Variants in AGAP1 observed in about 807,000 individuals in gnomAD.
The protein encoded by AGAP1 is ArfGAP with GTPase domain, ankyrin repeat and PH domain 1.
In AGAP1, 29 loss-of-function variants were observed where a neutral mutation model predicts 105.3. That is an observed-to-expected ratio of 0.28 (90% CI 0.21 to 0.38). The LOEUF is 0.38. Ranked by LOEUF, AGAP1 falls within the 10% of genes least tolerant of loss-of-function variation. The probability of loss-of-function intolerance (pLI) is 1.00; values close to 1 mark genes in which losing one functional copy is unlikely to be tolerated. For synonymous variants in AGAP1, 509 were observed against 485.9 expected (o/e 1.05, Z -0.63); for missense variants, 998 against 1,165.1 (o/e 0.86, Z 2.09).
At chr2:235,884,068 T>A (rs1261658378) in intron 10 of AGAP1, among the ~76,000 whole-genome samples, 2 of 152,206 alleles carry the variant, frequency 1.3e-5, no homozygotes, top group Non-Finnish European at 2.9e-5. Context: ...TATAAAAAAA[T>A]GCAGACATTC....
At position 235,665,778 on chromosome 2, in the gene AGAP1, C is replaced by T. The variant is rs1948107144; in HGVS notation, c.164-43401C>T. Among the ~76,000 whole-genome samples the T allele has an allele frequency of 1.3e-5, 2 of 152,084 alleles. No homozygotes were observed. Among genetic ancestry groups the T allele is most frequent in the Admixed American group, 1.3e-4 (2 of 15,256 alleles). ...AGTACCAGTGGTTGGCCAGTTTCTA[C>T]CATCAGCAGACGCGGTTCTGCTAAG... On this transcript the variant is annotated intron_variant, in intron 1 of 17. Coordinates refer to ENST00000304032, the MANE Select transcript of AGAP1 (RefSeq NM_001037131.3). This position sits in a 1 kb window ranked among gnomAD's most constrained non-coding sequence, Gnocchi z 5.3.
In AGAP1 at chr2:236,120,538, C is replaced by T; in HGVS notation, c.2370+91C>T. 1.3e-6 allele frequency: 2 copies of T among 1,564,492 alleles called. No homozygotes were observed. The highest frequency in any genetic ancestry group is 1.7e-6 in the Non-Finnish European group (2 of 1,158,214). On this transcript the variant is annotated intron_variant, in intron 17 of 17. Transcript: ENST00000304032. The surrounding 1 kb of genome is among the most constrained non-coding windows in gnomAD (Gnocchi z 6.0). ...CCGTGGGCATCTTTCTGGCAGAAGG[C>T]TGTTGTTCTCGATCTGCAAGTGGAA...
At chr2:236,022,423 A>AT (rs1489789661) in intron 13 of AGAP1, among the ~76,000 whole-genome samples, 1 of 152,208 alleles carries the variant, frequency 6.6e-6, no homozygotes, top group Non-Finnish European at 1.5e-5. Context: ...TGTGTTTATA[A>AT]TGATCTTTTG....
intron 1 of AGAP1, among the ~76,000 whole-genome samples, chr2:235,572,985 CT>C (rs1944584414): frequency 7.8e-5 from 2 of 25,620 alleles, no homozygotes; most frequent in South Asian, 3.5e-3. Context: ...TTTTCTTCTT[CT>C]TCTTCTTCTT....
rs1349979586 is a variant in AGAP1 at position 236,040,209 on chromosome 2, C to A, written c.1801-542C>A. ...CCAGCTATACTCGTGTTTCTCCCTG[C>A]CCCCACCCTGGCGAGTGGCTTTGTC... is the stretch of plus-strand genomic sequence containing the variant. On this transcript the variant is annotated intron_variant, in intron 14 of 17. Coordinates refer to ENST00000304032, the MANE Select transcript of AGAP1 (RefSeq NM_001037131.3). This position sits in a 1 kb window ranked among gnomAD's most constrained non-coding sequence, Gnocchi z 5.6. Among the ~76,000 whole-genome samples, 1 of 152,114 alleles carries A rather than the reference C, an allele frequency of 6.6e-6. No homozygotes were observed. The highest frequency in any genetic ancestry group is 1.5e-5 in the Non-Finnish European group (1 of 68,012).
In AGAP1 at chr2:236,128,442, C is replaced by CCCT. The variant is rs1256726483; in HGVS notation, c.*4330_*4332dup. On this transcript the variant is annotated 3_prime_UTR_variant, in exon 18 of 18. Transcript: ENST00000304032. The surrounding 1 kb of genome is among the most constrained non-coding windows in gnomAD (Gnocchi z 5.9). ...GTGCACTGGGCCTTGCTTGGTGCTC[C>CCCT]CCTCCTCCTCCTGTCTGAGATCGGA... is the stretch of plus-strand genomic sequence containing the variant. 1.3e-5 allele frequency: 2 copies of CCCT among 152,316 alleles called. No homozygotes were observed. Among genetic ancestry groups the CCCT allele is most frequent in the African/African-American group, 4.8e-5 (2 of 41,440 alleles). The allele number at this position is 152,316 out of a possible 1,614,324, so 9.4% of individuals were successfully genotyped here.
At chr2:235,948,631 T>C (rs999761507) in intron 12 of AGAP1, among the ~76,000 whole-genome samples, 7 of 152,150 alleles carry the variant, frequency 4.6e-5, no homozygotes, top group Non-Finnish European at 8.8e-5. Flanking sequence ...GTGAGTGCAG[T>C]GAGTCTGTCT....
intron 6 of AGAP1, 120 bp from the exon 7 acceptor site, chr2:235,797,639 A>T: frequency 7.7e-7 from 1 of 1,301,936 alleles, no homozygotes; most frequent in Non-Finnish European, 1.1e-6. Flanking sequence ...AAGAACCAGG[A>T]ATGCTATTAC....
chr2:235,743,884 GTC>G (rs1344535828), intron 4 of AGAP1, among the ~76,000 whole-genome samples: 2 of 152,238 alleles, frequency 1.3e-5, no homozygotes, highest in Non-Finnish European at 2.9e-5. Context: ...AGTGTGGGAA[GTC>G]TCTGCCCTGC....
chr2:235,629,623 C>A (rs1049716637), intron 1 of AGAP1, among the ~76,000 whole-genome samples: 5 of 151,770 alleles, frequency 3.3e-5, no homozygotes, highest in Non-Finnish European at 7.4e-5. Flanking sequence ...AATCCCAGCA[C>A]TTTGGAAGGC....
chr2:236,073,064 C>T lies in AGAP1; in HGVS notation c.2114+23783C>T, dbSNP rs1244226841. Reference sequence around the variant, plus strand: ...AGGCTGGAGTGCAGTGGTGCAATCTCAGCTCACTGCAACTTCCGCCTCCCA... The same window carrying T: ...AGGCTGGAGTGCAGTGGTGCAATCTTAGCTCACTGCAACTTCCGCCTCCCA... On this transcript the variant is annotated intron_variant, in intron 16 of 17. Transcript: ENST00000304032. This position sits in a 1 kb window ranked among gnomAD's most constrained non-coding sequence, Gnocchi z 5.4. Among the ~76,000 whole-genome samples, 1 of 151,824 alleles carries T rather than the reference C, an allele frequency of 6.6e-6. No individual in the cohort carries two copies. Among genetic ancestry groups the T allele is most frequent in the African/African-American group, 2.4e-5 (1 of 41,332 alleles).
intron 9 of AGAP1, among the ~76,000 whole-genome samples, chr2:235,868,656 C>T (rs965050400): frequency 7.2e-5 from 11 of 152,160 alleles, no homozygotes; most frequent in Non-Finnish European, 1.3e-4. Context: ...GTCAATAAAT[C>T]TTTGTTGGTA....
At chr2:235,558,585 C>G (rs948180618) in intron 1 of AGAP1, among the ~76,000 whole-genome samples, 1 of 152,112 alleles carries the variant, frequency 6.6e-6, no homozygotes, top group Non-Finnish European at 1.5e-5. Context: ...TAAAAAGACC[C>G]CAGAGAGGCC....
At position 235,535,495 on chromosome 2, in the gene AGAP1, A is replaced by T. The variant is rs1404196473; in HGVS notation, c.163+40646A>T. Among the ~76,000 whole-genome samples the T allele has an allele frequency of 3.4e-3, 13 of 3,862 alleles. No homozygotes were observed. In the African/African-American group the frequency reaches 0.045, roughly 13 times the overall value. The allele number at this position is 3,862 out of a possible 152,430, so 2.5% of individuals were successfully genotyped here. ...ATCTTAGGGTAGTATTTTGGATTTA[A>T]AAAAAAAAAAAACATGAAATGAAAT... On this transcript the variant is annotated intron_variant, in intron 1 of 17. Coordinates refer to ENST00000304032, the MANE Select transcript of AGAP1 (RefSeq NM_001037131.3). The surrounding 1 kb of genome is among the most constrained non-coding windows in gnomAD (Gnocchi z 5.1).
intron 13 of AGAP1, among the ~76,000 whole-genome samples, chr2:235,969,810 C>T (rs999884990): frequency 6.6e-6 from 1 of 152,152 alleles, no homozygotes; most frequent in Admixed American, 6.5e-5. Context: ...CTGAGTAGCC[C>T]GCCAGCCTCC....
intron 1 of AGAP1, among the ~76,000 whole-genome samples, chr2:235,657,187 G>C (rs776206871): frequency 5.3e-5 from 8 of 152,270 alleles, no homozygotes; most frequent in Non-Finnish European, 8.8e-5. Flanking sequence ...TCTCAATCCT[G>C]AGTTAGTCTC....
Position 235,927,555 on chromosome 2 carries a change from C to A in AGAP1, c.1325-3210C>A, listed in dbSNP as rs1014057565. 2.0e-5 allele frequency among the ~76,000 whole-genome samples: 3 copies of A among 152,184 alleles called. No homozygotes were observed. Among genetic ancestry groups the A allele is most frequent in the Non-Finnish European group, 4.4e-5 (3 of 68,034 alleles). On this transcript the variant is annotated intron_variant, in intron 11 of 17. Transcript: ENST00000304032. The surrounding 1 kb of genome is among the most constrained non-coding windows in gnomAD (Gnocchi z 4.4). ...GGCCATGAGATGAAGAACTCATAAA[C>A]CTAAGATGAGTTCTTGATCAGCAAC...
intron 16 of AGAP1, among the ~76,000 whole-genome samples, chr2:236,116,797 A>C (rs977537841): frequency 1.4e-5 from 2 of 146,226 alleles, no homozygotes; most frequent in South Asian, 4.4e-4. Context: ...TCATTCTTAC[A>C]CCTTTTATGT....
intron 12 of AGAP1, among the ~76,000 whole-genome samples, chr2:235,946,963 G>A (rs1005309347): frequency 3.3e-5 from 5 of 152,032 alleles, no homozygotes; most frequent in Non-Finnish European, 5.9e-5. Flanking sequence ...TTACTTCTGC[G>A]TGCCACCAGT....
Sources: gnomAD v4.1 joint callset for allele counts (sites outside exome capture counted in the v4.1 genomes callset) on GRCh38, gnomAD v4.1.1 for gene constraint, Gnocchi (gnomAD v3.1) non-coding constraint, MANE v1.5 for transcripts, NCBI Gene and HGNC (gene_info 2026-07-23, HGNC 2026-07-21) for gene names.